OTOP1: variants seen among roughly 807,000 people sequenced by gnomAD.
The protein encoded by OTOP1 is otopetrin 1.
A neutral mutation model predicts 52.9 loss-of-function variants in OTOP1; 59 were observed. The observed-to-expected ratio is 1.12, with a 90% CI of 0.91 to 1.39. OTOP1 has a LOEUF of 1.39. OTOP1 is among the 40% of genes most tolerant of loss of function. The pLI is 0.00. For synonymous variants in OTOP1, 317 were observed against 337.7 expected (o/e 0.94, Z 0.67); for missense variants, 761 against 800.9 (o/e 0.95, Z 0.60).
At position 4,198,053 on chromosome 4, in the gene OTOP1, T is replaced by C. The variant is rs770907369; in HGVS notation, c.781A>G (p.Thr261Ala). The change falls in exon 5 of 6, where the codon ACT (threonine) becomes GCT (alanine). Residue 261 changes from threonine (T) to alanine (A), a missense_variant. By Grantham distance (58) the Thr-to-Ala change is moderately conservative (BLOSUM62 0). Transcript: ENST00000296358. ...TAGTAGATCCCGTGGGAGATGGCAG[T>C]GCACAGAGTTGGGGGCGTGCAGTTA... ...QCNCTPPTLC[T>A]AISHGIYYLY... 1.9e-6 allele frequency: 3 copies of C among 1,614,144 alleles called. No homozygotes were observed. The highest frequency in any genetic ancestry group is 2.5e-6 in the Non-Finnish European group (3 of 1,180,026).
chr4:4,213,729 T>C (rs1336002638), intron 1 of OTOP1, among the ~76,000 whole-genome samples: 2 of 152,188 alleles, frequency 1.3e-5, no homozygotes, highest in Non-Finnish European at 2.9e-5. Flanking sequence ...GGATGCTGGG[T>C]CGCTTCCACC....
intron 1 of OTOP1, among the ~76,000 whole-genome samples, chr4:4,224,208 A>G (rs1466648406): frequency 6.6e-6 from 1 of 151,864 alleles, no homozygotes; most frequent in Non-Finnish European, 1.5e-5. Flanking sequence ...ATAGCTGGGC[A>G]TAGTTGCAGG....
chr4:4,199,951 T>C (rs1304149308), intron 4 of OTOP1, among the ~76,000 whole-genome samples: 1 of 152,172 alleles, frequency 6.6e-6, no homozygotes, highest in African/African-American at 2.4e-5. Flanking sequence ...AACTAAGTAT[T>C]ATTTCATCAA....
intron 1 of OTOP1, among the ~76,000 whole-genome samples, chr4:4,213,803 C>G (rs969420587): frequency 3.3e-4 from 50 of 152,062 alleles, no homozygotes; most frequent in African/African-American, 1.1e-3. Context: ...ATATTAACAA[C>G]AATGGGTTGG....
At chr4:4,194,238 T>A (rs975054719) in intron 5 of OTOP1, among the ~76,000 whole-genome samples, 5 of 152,204 alleles carry the variant, frequency 3.3e-5, no homozygotes, top group African/African-American at 1.2e-4. Flanking sequence ...AAAAAGCATA[T>A]GCTTGAGGAA....
At chr4:4,219,802 T>C (rs1460176902) in intron 1 of OTOP1, among the ~76,000 whole-genome samples, 3 of 144,598 alleles carry the variant, frequency 2.1e-5, no homozygotes, top group Admixed American at 1.4e-4. Flanking sequence ...TGTATAAATA[T>C]ATATACGTGT....
At chr4:4,193,312 C>T (rs1168408128) in intron 5 of OTOP1, among the ~76,000 whole-genome samples, 1 of 152,106 alleles carries the variant, frequency 6.6e-6, no homozygotes. Context: ...AGAGGACTTC[C>T]CTGACCCATC....
chr4:4,194,814 G>T (rs144363755), intron 5 of OTOP1, among the ~76,000 whole-genome samples: 2,951 of 152,218 alleles, frequency 0.019, 41 homozygotes, highest in South Asian at 0.033. Context: ...AGACTCATGC[G>T]GTGGCAAAGG....
intron 5 of OTOP1, among the ~76,000 whole-genome samples, chr4:4,193,439 CA>C (rs980272767): frequency 1.3e-5 from 2 of 152,194 alleles, no homozygotes; most frequent in Non-Finnish European, 2.9e-5. Context: ...GAGCCCACCC[CA>C]CCTGGACATG....
chr4:4,226,866 T>G lies in OTOP1; in HGVS notation c.-2A>C. 7.6e-7 allele frequency: 1 copy of G among 1,323,308 alleles called. No homozygotes were observed. Among genetic ancestry groups the G allele is most frequent in the Non-Finnish European group, 9.6e-7 (1 of 1,040,512 alleles). 82.0% of individuals were successfully genotyped at this position (1,323,308 alleles called of 1,614,324 possible). On this transcript the variant is annotated 5_prime_UTR_variant, in exon 1 of 6. Transcript: ENST00000296358. ...GGGCGACCCCAGGCCCTCGAGCATC[T>G]TCGAGACACCCGCGCCAAGTCTGGT...
At chr4:4,223,430 G>GATGA (rs1717345216) in intron 1 of OTOP1, among the ~76,000 whole-genome samples, 1 of 152,034 alleles carries the variant, frequency 6.6e-6, no homozygotes, top group Admixed American at 6.6e-5. Context: ...TGGATGGATG[G>GATGA]ATGGATGGAT....
chr4:4,219,684 G>A lies in OTOP1; in HGVS notation c.404-6680C>T, dbSNP rs187186581. Among the ~76,000 whole-genome samples, 473 of 135,306 alleles carry A rather than the reference G, an allele frequency of 3.5e-3. 2 individuals carry two copies. The highest frequency in any genetic ancestry group is 7.5e-3 in the Admixed American group (104 of 13,842). 88.8% of individuals were successfully genotyped at this position (135,306 alleles called of 152,430 possible). A position where few individuals can be genotyped will look rare whatever the true frequency, so the allele number is the denominator to read the frequency against. Reference sequence around the variant, plus strand: ...TGCACTCCAGCCTGGGCGACAGAGCGAGACTCTGTCTCAAAAAAAAAAAAA... The same window carrying A: ...TGCACTCCAGCCTGGGCGACAGAGCAAGACTCTGTCTCAAAAAAAAAAAAA... On this transcript the variant is annotated intron_variant, in intron 1 of 5. Coordinates refer to ENST00000296358, the MANE Select transcript of OTOP1 (RefSeq NM_177998.3).
chr4:4,214,331 G>C (rs1489676209), intron 1 of OTOP1, among the ~76,000 whole-genome samples: 1 of 152,144 alleles, frequency 6.6e-6, no homozygotes, highest in African/African-American at 2.4e-5. Flanking sequence ...TGAGGATATA[G>C]AGAAATAGTG....
Position 4,226,819 on chromosome 4 carries a change from T to C in OTOP1, c.46A>G (p.Ser16Gly), listed in dbSNP as rs2108809282. 7.4e-7 allele frequency: 1 copy of C among 1,357,886 alleles called. No homozygotes were observed. The highest frequency in any genetic ancestry group is 1.8e-5 in the South Asian group (1 of 56,580). The allele number at this position is 1,357,886 out of a possible 1,614,324, so 84.1% of individuals were successfully genotyped here. A position where few individuals can be genotyped will look rare whatever the true frequency, so the allele number is the denominator to read the frequency against. The change falls in exon 1 of 6, where the codon AGC becomes GGC. Residue 16 changes from serine (S) to glycine (G), a missense_variant. Physicochemically the swap from Ser to Gly is moderately conservative, Grantham distance 56. Transcript: ENST00000296358. ...GSPASPRAAASASVAGSSGPA... is the reference protein window; with the variant it reads ...GSPASPRAAAGASVAGSSGPA... ...CCCGACGACCCTGCGACCGAGGCGC[T>C]TGCAGCTGCCCGGGGCGAGGCGGGC...
At chr4:4,208,918 C>T (rs1035202366) in intron 2 of OTOP1, among the ~76,000 whole-genome samples, 9 of 152,128 alleles carry the variant, frequency 5.9e-5, no homozygotes, top group Non-Finnish European at 1.0e-4. Context: ...TAAGGAGGAG[C>T]TGTTATTAGA....
intron 1 of OTOP1, among the ~76,000 whole-genome samples, chr4:4,213,265 A>C (rs1298403542): frequency 6.6e-6 from 1 of 152,246 alleles, no homozygotes; most frequent in East Asian, 1.9e-4. Context: ...AAACAGATAA[A>C]AGATCTAAAT....
At position 4,225,296 on chromosome 4, in the gene OTOP1, A is replaced by C. The variant is rs193010032; in HGVS notation, c.403+1166T>G. On this transcript the variant is annotated intron_variant, in intron 1 of 5. Coordinates refer to ENST00000296358, the MANE Select transcript of OTOP1 (RefSeq NM_177998.3). The stretch of plus-strand genomic sequence containing the variant: ...TCAAGACTGGCAGCCCCAGCCAGGC[A>C]CAGTGGTTCATGCCTGTGATCCCAG... Among the ~76,000 whole-genome samples, 321 of 152,304 alleles carry C rather than the reference A, an allele frequency of 2.1e-3. 3 individuals are homozygous for C. The highest frequency in any genetic ancestry group is 6.1e-3 in the Admixed American group (94 of 15,304).
At chr4:4,191,760 T>G (rs1716513769) in intron 5 of OTOP1, among the ~76,000 whole-genome samples, 1 of 152,204 alleles carries the variant, frequency 6.6e-6, no homozygotes. Flanking sequence ...TCTTTCTTGC[T>G]CAGCTGATGG....
intron 1 of OTOP1, among the ~76,000 whole-genome samples, chr4:4,223,584 G>A (rs1717352143): frequency 6.6e-6 from 1 of 152,030 alleles, no homozygotes; most frequent in Non-Finnish European, 1.5e-5. Context: ...GGAGCAGAAG[G>A]AGAAGGAGAA....
Sources: gnomAD v4.1 joint callset for allele counts (sites outside exome capture counted in the v4.1 genomes callset) on GRCh38, gnomAD v4.1.1 for gene constraint, MANE v1.5 for transcripts, NCBI Gene and HGNC (gene_info 2026-07-23, HGNC 2026-07-21) for gene names.